The following CDK17 variants were observed in gnomAD, a reference collection of about 807,000 sequenced individuals.
CDK17 encodes cyclin-dependent kinase 17.
In CDK17, 24 loss-of-function variants were observed where a neutral mutation model predicts 77.6. That is an observed-to-expected ratio of 0.31 (90% CI 0.22 to 0.44). CDK17 has a LOEUF of 0.44. CDK17 is among the 20% of genes least tolerant of loss of function. The pLI is 1.00. For synonymous variants in CDK17, 203 were observed against 210.4 expected (o/e 0.96, Z 0.30); for missense variants, 429 against 622.5 (o/e 0.69, Z 3.31).
At chr12:96,399,874 A>C (rs2137260456) in intron 1 of CDK17, 112 bp downstream of exon 1, 20 of 264,612 alleles carry the variant, frequency 7.6e-5, no homozygotes, top group East Asian at 1.3e-4. Context: ...GGCCTGAGCC[A>C]CCCGCGCCCC....
chr12:96,340,389 T>A (rs1359548856), intron 1 of CDK17, among the ~76,000 whole-genome samples: 1 of 152,184 alleles, frequency 6.6e-6, no homozygotes, highest in Non-Finnish European at 1.5e-5. Context: ...CTTATAAAGC[T>A]AAACCTTACT....
At chr12:96,287,674 G>C (rs896889992) in intron 11 of CDK17, among the ~76,000 whole-genome samples, 6 of 151,774 alleles carry the variant, frequency 4.0e-5, no homozygotes, top group African/African-American at 9.7e-5. Context: ...GAGAAGGAGA[G>C]AGAGATAATT....
intron 1 of CDK17, among the ~76,000 whole-genome samples, chr12:96,348,089 A>G (rs1369523143): frequency 6.6e-6 from 1 of 152,172 alleles, no homozygotes; most frequent in African/African-American, 2.4e-5. Flanking sequence ...GCTTACATTA[A>G]AAGAGCTCAA....
At chr12:96,354,015 C>T (rs1434830589) in intron 1 of CDK17, among the ~76,000 whole-genome samples, 7 of 152,084 alleles carry the variant, frequency 4.6e-5, no homozygotes, top group African/African-American at 1.7e-4. Context: ...AGAAACTTGA[C>T]GAATACTTAA....
chr12:96,316,839 A>C (rs988578934), intron 3 of CDK17, among the ~76,000 whole-genome samples: 28 of 144,194 alleles, frequency 1.9e-4, no homozygotes, highest in African/African-American at 5.6e-4. Flanking sequence ...AAAGTAGATA[A>C]AACCACAAAG....
At chr12:96,388,849 A>G (rs956828953) in intron 1 of CDK17, among the ~76,000 whole-genome samples, 2 of 152,120 alleles carry the variant, frequency 1.3e-5, no homozygotes, top group Admixed American at 1.3e-4. Flanking sequence ...TGCAAAACCA[A>G]GTGGGAACAG....
chr12:96,315,760 C>G (rs1952704874), intron 3 of CDK17, among the ~76,000 whole-genome samples: 1 of 152,136 alleles, frequency 6.6e-6, no homozygotes, highest in Non-Finnish European at 1.5e-5. Context: ...TAAATTGACT[C>G]TATCAGTGTC....
At chr12:96,300,211 G>GC (rs1952477713) in intron 6 of CDK17, 93 bp downstream of exon 6, 2 of 852,704 alleles carry the variant, frequency 2.3e-6, no homozygotes, top group East Asian at 4.9e-5. Context: ...CAGTACTTAC[G>GC]TTTTTTCCAG....
intron 1 of CDK17, among the ~76,000 whole-genome samples, chr12:96,384,771 C>T (rs1262250137): frequency 6.6e-6 from 1 of 152,104 alleles, no homozygotes; most frequent in Non-Finnish European, 1.5e-5. Context: ...AATGCCAGCA[C>T]TTGGGAGGCT....
chr12:96,314,417 G>A (rs1952681179), intron 3 of CDK17, among the ~76,000 whole-genome samples: 1 of 151,980 alleles, frequency 6.6e-6, no homozygotes. Flanking sequence ...TGTTGTTCAG[G>A]CTCATCTTGA....
intron 1 of CDK17, among the ~76,000 whole-genome samples, chr12:96,369,760 G>C (rs927582416): frequency 6.6e-6 from 1 of 152,098 alleles, no homozygotes; most frequent in Non-Finnish European, 1.5e-5. Flanking sequence ...GCCTGGGCGA[G>C]ACTCTGTCTC....
At position 96,400,010 on chromosome 12, in the gene CDK17, C is replaced by T. The variant is rs1024308122; in HGVS notation, c.-54G>A. On this transcript the variant is annotated 5_prime_UTR_variant, in exon 1 of 17. Coordinates refer to ENST00000261211, the MANE Select transcript of CDK17 (RefSeq NM_002595.5). ...CCAGCAAGAGCGGGGACCGCGGGTC[C>T]CGAGGCGAGGCGAAGAGAGGCGCGG... is the stretch of plus-strand genomic sequence containing the variant. 5 of 384,036 alleles carry T rather than the reference C, an allele frequency of 1.3e-5. No individual in the cohort carries two copies. The highest frequency in any genetic ancestry group is 2.3e-5 in the Non-Finnish European group (5 of 217,138). 23.8% of individuals were successfully genotyped at this position (384,036 alleles called of 1,614,324 possible).
chr12:96,396,943 T>C (rs989598867), intron 1 of CDK17, among the ~76,000 whole-genome samples: 5 of 152,156 alleles, frequency 3.3e-5, no homozygotes, highest in African/African-American at 9.6e-5. Flanking sequence ...AAGAAAATCA[T>C]AGGGTAAAAA....
At chr12:96,333,297 T>C (rs1952997159) in intron 2 of CDK17, among the ~76,000 whole-genome samples, 1 of 152,130 alleles carries the variant, frequency 6.6e-6, no homozygotes, top group South Asian at 2.1e-4. Flanking sequence ...TTTCCCCTCC[T>C]ACATATAATT....
At chr12:96,352,920 ACT>A (rs1355181801) in intron 1 of CDK17, among the ~76,000 whole-genome samples, 2 of 152,166 alleles carry the variant, frequency 1.3e-5, no homozygotes, top group East Asian at 3.9e-4. Context: ...GGTAATAAAT[ACT>A]GTTTGTTTTT....
rs747736482 is a variant in CDK17 at position 96,297,686 on chromosome 12, C to T, written c.751G>A (p.Val251Ile). 1.2e-6 allele frequency: 2 copies of T among 1,603,864 alleles called. No homozygotes were observed. Among genetic ancestry groups the T allele is most frequent in the Non-Finnish European group, 1.7e-6 (2 of 1,172,148 alleles). The change falls in exon 8 of 17, where the codon GTA becomes ATA. Residue 251 changes from valine to isoleucine, a missense_variant. Val to Ile is a conservative substitution (Grantham distance 29). Around this residue, in one of 4 missense-constraint regions of CDK17, gnomAD observed 262 missense variants for 385.4 expected, o/e 0.68. Transcript: ENST00000261211. ...LLKDLKHANI[V>I]TLHDIVHTDK... ...GTGTGAACAATGTCATGTAAGGTTA[C>T]TATATTTGCATGTTTTAAATCCTTT...
At chr12:96,300,394 C>CTTTTT in intron 5 of CDK17, 34 bp from the exon 6 acceptor site, 13 of 924,808 alleles carry the variant, frequency 1.4e-5, no homozygotes, top group East Asian at 2.8e-5. Context: ...GTAGTATTTA[C>CTTTTT]TTTTTTTTTT....
At chr12:96,313,806 G>C (rs1952673767) in intron 3 of CDK17, among the ~76,000 whole-genome samples, 1 of 152,106 alleles carries the variant, frequency 6.6e-6, no homozygotes, top group Non-Finnish European at 1.5e-5. Context: ...ACTTTCAAAA[G>C]TTCACAAAGC....
chr12:96,286,111 T>C lies in CDK17; in HGVS notation c.1254A>G (p.Ser418=), dbSNP rs778692261. 6.1e-6 allele frequency: 9 copies of C among 1,479,782 alleles called. No homozygotes were observed. The highest frequency in any genetic ancestry group is 1.9e-5 in the Admixed American group (1 of 51,836). The allele number at this position is 1,479,782 out of a possible 1,614,324, so 91.7% of individuals were successfully genotyped here. A position where few individuals can be genotyped will look rare whatever the true frequency, so the allele number is the denominator to read the frequency against. Residue 418 remains serine, a synonymous_variant, in exon 13 of 17, where the codon TCA becomes TCG. Coordinates refer to ENST00000261211, the MANE Select transcript of CDK17 (RefSeq NM_002595.5). The stretch of plus-strand genomic sequence containing the variant: ...AGTTGTAGTTCTTGAACTCCTCATT[T>C]GAAGAAATACCTGGCCAAGTTTCCT... ...PSQETWPGIS[S]NEEFKNYNFP...
Sources: allele counts gnomAD v4.1 joint callset (sites outside exome capture counted in the v4.1 genomes callset), GRCh38; gene constraint gnomAD v4.1.1; regional missense constraint gnomAD v4.1.1; transcripts MANE v1.5; gene names NCBI Gene and HGNC (gene_info 2026-07-23, HGNC 2026-07-21).